The following LTBP1 variants were observed in gnomAD, a reference collection of about 807,000 sequenced individuals.
LTBP1 encodes latent-transforming growth factor beta-binding protein 1.
Under a neutral mutation model 207.6 loss-of-function variants are expected in LTBP1, and 129 were observed. That is an observed-to-expected ratio of 0.62 (90% confidence interval 0.54 to 0.72). LTBP1 has a LOEUF of 0.72. LTBP1 is among the 30% of genes least tolerant of loss of function. LTBP1 has a pLI of 0.00. For synonymous variants in LTBP1, 963 were observed against 833.7 expected, an observed-to-expected ratio of 1.16 and a Z score of -2.67; for missense variants, 2,281 against 2,217.2, an observed-to-expected ratio of 1.03 and a Z score of -0.58.
intron 2 of LTBP1, among the ~76,000 whole-genome samples, chr2:32,956,570 A>G (rs1471947319): frequency 1.3e-5 from 2 of 152,200 alleles, no homozygotes; most frequent in Non-Finnish European, 2.9e-5. Context: ...CTACCTCTGC[A>G]GTGACTTCCT....
intron 4 of LTBP1, among the ~76,000 whole-genome samples, chr2:33,111,816 T>C (rs780867933): frequency 3.9e-5 from 6 of 152,130 alleles, no homozygotes; most frequent in Non-Finnish European, 7.3e-5. Context: ...ATTGGGATGT[T>C]GAGGAAAGTG....
chr2:33,052,060 C>T (rs893469142), intron 3 of LTBP1, among the ~76,000 whole-genome samples: 1 of 152,194 alleles, frequency 6.6e-6, no homozygotes, highest in African/African-American at 2.4e-5. Flanking sequence ...AGGGTTACAG[C>T]CTGGTCTCAT....
intron 20 of LTBP1, among the ~76,000 whole-genome samples, chr2:33,294,235 C>G (rs1356541009): frequency 6.6e-6 from 1 of 151,210 alleles, no homozygotes; most frequent in African/African-American, 2.4e-5. Context: ...CTTGCTCTCT[C>G]CCCCAGGCTG....
At chr2:32,962,625 C>T (rs4952326) in intron 2 of LTBP1, among the ~76,000 whole-genome samples, 10,029 of 152,186 alleles carry the variant, frequency 0.066, 586 homozygotes, top group East Asian at 0.24. Context: ...TTTTGTTTTA[C>T]GAGAATGTAT....
At chr2:33,143,635 A>C (rs1329652109) in intron 5 of LTBP1, among the ~76,000 whole-genome samples, 2 of 152,216 alleles carry the variant, frequency 1.3e-5, no homozygotes, top group African/African-American at 4.8e-5. Flanking sequence ...ACTCATGGGC[A>C]AAGTGCAATT....
intron 2 of LTBP1, among the ~76,000 whole-genome samples, chr2:32,963,776 C>T (rs1006145086): frequency 2.6e-5 from 4 of 152,242 alleles, no homozygotes; most frequent in Non-Finnish European, 5.9e-5. Flanking sequence ...CTTTCCCACA[C>T]ACCTACCAAA....
intron 2 of LTBP1, among the ~76,000 whole-genome samples, chr2:32,984,836 C>T (rs1457231380): frequency 6.6e-6 from 1 of 151,888 alleles, no homozygotes; most frequent in East Asian, 1.9e-4. Flanking sequence ...AAAGCTGAGG[C>T]AGGAGAATCG....
chr2:32,968,339 T>G (rs984694688), intron 2 of LTBP1, among the ~76,000 whole-genome samples: 7 of 152,220 alleles, frequency 4.6e-5, no homozygotes, highest in Non-Finnish European at 1.0e-4. Flanking sequence ...GGTTATGTTT[T>G]CTTGGAGAAT....
intron 2 of LTBP1, among the ~76,000 whole-genome samples, chr2:32,970,054 A>G (rs762630228): frequency 2.0e-5 from 3 of 152,096 alleles, no homozygotes; most frequent in Non-Finnish European, 2.9e-5. Flanking sequence ...TTGTTGCTGC[A>G]TTTATATCTT....
chr2:33,168,162 T>G (rs2085089993), intron 5 of LTBP1, among the ~76,000 whole-genome samples: 1 of 152,090 alleles, frequency 6.6e-6, no homozygotes, highest in Admixed American at 6.5e-5. Flanking sequence ...GGAGGATTGC[T>G]TGAGGCCAGG....
intron 2 of LTBP1, among the ~76,000 whole-genome samples, chr2:33,003,913 A>G (rs964381743): frequency 6.6e-6 from 1 of 152,222 alleles, no homozygotes; most frequent in Non-Finnish European, 1.5e-5. Flanking sequence ...ACATCTGCCC[A>G]GCAACTGCCT....
intron 24 of LTBP1, among the ~76,000 whole-genome samples, chr2:33,334,361 A>G (rs2094530961): frequency 6.6e-6 from 1 of 152,216 alleles, no homozygotes; most frequent in South Asian, 2.1e-4. Context: ...GCAGAGAACT[A>G]TTTGATTGGA....
intron 24 of LTBP1, among the ~76,000 whole-genome samples, chr2:33,321,708 C>T (rs978291249): frequency 2.6e-5 from 4 of 152,198 alleles, no homozygotes; most frequent in Admixed American, 2.0e-4. Context: ...TAATGTGTTA[C>T]ATGTGGTGTG....
intron 31 of LTBP1, among the ~76,000 whole-genome samples, chr2:33,384,896 G>A (rs1463573552): frequency 6.6e-6 from 1 of 152,124 alleles, no homozygotes; most frequent in Non-Finnish European, 1.5e-5. Flanking sequence ...GCACATGCTA[G>A]AAATTTGCCT....
intron 9 of LTBP1, among the ~76,000 whole-genome samples, chr2:33,236,225 C>CT (rs2092041236): frequency 6.6e-6 from 1 of 152,126 alleles, no homozygotes; most frequent in Admixed American, 6.5e-5. Context: ...AGAGGTTAAT[C>CT]ATAATTTTCT....
intron 19 of LTBP1, among the ~76,000 whole-genome samples, chr2:33,282,360 G>T (rs555781738): frequency 7.3e-4 from 111 of 152,246 alleles, no homozygotes; most frequent in African/African-American, 2.6e-3. Context: ...TTTAATTGCA[G>T]TTCCATCCAT....
intron 9 of LTBP1, among the ~76,000 whole-genome samples, chr2:33,237,222 G>A (rs578043160): frequency 6.6e-6 from 1 of 152,264 alleles, no homozygotes; most frequent in South Asian, 2.1e-4. Flanking sequence ...CAAATGTGCA[G>A]AAAAACCAAG....
At chr2:33,370,536 A>G (rs1335830889) in intron 31 of LTBP1, among the ~76,000 whole-genome samples, 1 of 152,242 alleles carries the variant, frequency 6.6e-6, no homozygotes, top group Non-Finnish European at 1.5e-5. Flanking sequence ...CTCTAGAGCC[A>G]TCTAATAGCA....
At chr2:33,080,167 C>G (rs560930949) in intron 3 of LTBP1, among the ~76,000 whole-genome samples, 38 of 152,088 alleles carry the variant, frequency 2.5e-4, no homozygotes, top group Non-Finnish European at 4.4e-4. Context: ...GCTGGGCTTA[C>G]AGGTGTGTGC....
Sources: gnomAD v4.1 joint callset for allele counts (sites outside exome capture counted in the v4.1 genomes callset) on GRCh38, gnomAD v4.1.1 for gene constraint, MANE v1.5 for transcripts, NCBI Gene and HGNC (gene_info 2026-07-23, HGNC 2026-07-21) for gene names.